RBCK1: variants seen among roughly 807,000 people sequenced by gnomAD.
RBCK1 encodes the protein RANBP2-type and C3HC4-type zinc finger containing 1.
RBCK1 carries 44 observed loss-of-function variants against 71.1 expected under a neutral mutation model. That is an observed-to-expected ratio of 0.62 (90% CI 0.49 to 0.80). The LOEUF (loss-of-function observed/expected upper bound fraction) is 0.80. RBCK1 is among the 30% of genes least tolerant of loss of function. The pLI is 0.00. For missense variants in RBCK1, 569 were observed against 685.0 expected (o/e 0.83, Z 1.89); for synonymous variants, 306 against 279.7 (o/e 1.09, Z -0.94).
At chr20:410,430 TG>T (rs2015634723) in intron 2 of RBCK1, 1 of 779,506 alleles carries the variant, frequency 1.3e-6, no homozygotes, top group African/African-American at 1.7e-5. Context: ...TGGTGCAAAA[TG>T]GCCATTCCAG....
At position 408,621 on chromosome 20, in the gene RBCK1, C is replaced by T; in HGVS notation, c.-137C>T. On this transcript the variant is annotated 5_prime_UTR_variant, in exon 1 of 12. Coordinates refer to ENST00000356286, the MANE Select transcript of RBCK1 (RefSeq NM_031229.4). ...ACTGCCGCGGGGACAGCGAGGCACACACAGGGCTTGGGCCGCGCCGGAGGC... is the reference window on the plus strand; with the variant it reads ...ACTGCCGCGGGGACAGCGAGGCACATACAGGGCTTGGGCCGCGCCGGAGGC... 5 of 1,119,900 alleles carry T rather than the reference C, an allele frequency of 4.5e-6. No individual in the cohort carries two copies. The South Asian group carries it at 5.3e-5, about 12-fold the overall frequency. The allele number at this position is 1,119,900 out of a possible 1,614,324, so 69.4% of individuals were successfully genotyped here. A position where few individuals can be genotyped will look rare whatever the true frequency, so the allele number is the denominator to read the frequency against.
chr20:410,648 G>GGAAGA, intron 2 of RBCK1: 1 of 735,566 alleles, frequency 1.4e-6, no homozygotes, highest in South Asian at 1.5e-5. Flanking sequence ...GTAAGGGAAG[G>GGAAGA]GAAGAGAATG....
chr20:415,598 T>G (rs1391226078), intron 2 of RBCK1, among the ~76,000 whole-genome samples: 1 of 152,190 alleles, frequency 6.6e-6, no homozygotes, highest in Non-Finnish European at 1.5e-5. Context: ...GCCACTAGTT[T>G]TTTTTTTAAG....
intron 6 of RBCK1, chr20:420,592 C>G: frequency 1.0e-6 from 1 of 981,942 alleles, no homozygotes; most frequent in Non-Finnish European, 1.2e-6. Flanking sequence ...CCTGGCCGGC[C>G]TCCCCTCCCT....
chr20:408,594 C>A lies in RBCK1; in HGVS notation c.-164C>A. 1 of 854,982 alleles carries A rather than the reference C, an allele frequency of 1.2e-6. No homozygotes were observed. The highest frequency in any genetic ancestry group is 1.9e-6 in the Non-Finnish European group (1 of 529,742). 53.0% of individuals were successfully genotyped at this position (854,982 alleles called of 1,614,324 possible). ...GGTCACCGGGCAGTGTGATGCTTCC[C>A]GACTGCCGCGGGGACAGCGAGGCAC... On this transcript the variant is annotated 5_prime_UTR_variant, in exon 1 of 12. Transcript: ENST00000356286.
At chr20:429,606 G>A (rs879888902) in intron 11 of RBCK1, among the ~76,000 whole-genome samples, 1 of 152,208 alleles carries the variant, frequency 6.6e-6, no homozygotes, top group African/African-American at 2.4e-5. Context: ...TGAAATCCAC[G>A]TTTCAGTGTC....
chr20:417,395 T>TTGTGTGTGTGTG lies in RBCK1; in HGVS notation c.168-114_168-103dup. On this transcript the variant is annotated intron_variant, in intron 2 of 11. Transcript: ENST00000356286. This position sits in a 1 kb window ranked among gnomAD's most constrained non-coding sequence, Gnocchi z 4.7. ...GGTGGGGCCTACCCCAGACTGGGGT[T>TTGTGTGTGTGTG]TGTGTGTGTGTGTGTGTGTGTGTGT... The TTGTGTGTGTGTG allele has an allele frequency of 5.2e-6, 4 of 764,564 alleles. No individual in the cohort carries two copies. Among genetic ancestry groups the TTGTGTGTGTGTG allele is most frequent in the African/African-American group, 3.5e-5 (2 of 57,202 alleles). The allele number at this position is 764,564 out of a possible 1,614,324, so 47.4% of individuals were successfully genotyped here.
chr20:410,341 G>C, intron 2 of RBCK1: 1 of 743,828 alleles, frequency 1.3e-6, no homozygotes, highest in Non-Finnish European at 2.5e-6. Flanking sequence ...AGTCCAGATA[G>C]GGAGGTTCTG....
intron 2 of RBCK1, among the ~76,000 whole-genome samples, chr20:416,733 C>T (rs917879850): frequency 1.3e-5 from 2 of 152,220 alleles, no homozygotes; most frequent in Non-Finnish European, 2.9e-5. Flanking sequence ...AACACAGTGG[C>T]TTACTCCTGT....
rs1410875852 is a variant in RBCK1 at position 421,005 on chromosome 20, G to A, written c.891G>A (p.Leu297=). The A allele has an allele frequency of 5.1e-6, 8 of 1,566,900 alleles. No homozygotes were observed. The highest frequency in any genetic ancestry group is 6.9e-6 in the Non-Finnish European group (8 of 1,157,046). ...TGGCGCCCGGCGAGGCCGTGGTGCT[G>A]CGTGAGTGTCTGCACACCTTCTGCA... ...SVLAPGEAVV[L]RECLHTFCRE... is the part of the protein sequence containing the mutation. Residue 297 remains leucine, a synonymous_variant, in exon 7 of 12, where the codon CTG becomes CTA. Transcript: ENST00000356286.
chr20:429,462 G>C (rs563689090), intron 11 of RBCK1, among the ~76,000 whole-genome samples: 112 of 152,308 alleles, frequency 7.4e-4, no homozygotes, highest in Middle Eastern at 3.4e-3. Context: ...CCGACCGCAG[G>C]TGATCCACCT....
intron 8 of RBCK1, among the ~76,000 whole-genome samples, chr20:425,114 C>T (rs551163913): frequency 6.6e-6 from 1 of 152,080 alleles, no homozygotes; most frequent in African/African-American, 2.4e-5. Context: ...GGGTTCACGC[C>T]ATTCTCCTGC....
Position 419,729 on chromosome 20 carries a change from C to T in RBCK1, c.754C>T (p.Gln252Ter). Residue 252 changes from glutamine to a stop codon, truncating the protein, a stop_gained and splice_region_variant, in exon 6 of 12, where the codon CAG becomes TAG. Coordinates refer to ENST00000356286, the MANE Select transcript of RBCK1 (RefSeq NM_031229.4). LOFTEE classifies it high-confidence loss of function. ...GEEEALRQYQ[Q>*]RKQQQQEGNY... ...GGAGGAGGCGCTGCGTCAGTACCAG[C>T]AGGTGGGCGGGAAAGTCCCTGGACA... is the stretch of plus-strand genomic sequence containing the variant. 1 of 1,554,178 alleles carries T rather than the reference C, an allele frequency of 6.4e-7. No homozygotes were observed. The highest frequency in any genetic ancestry group is 2.4e-5 in the East Asian group (1 of 41,924).
intron 2 of RBCK1, among the ~76,000 whole-genome samples, chr20:413,089 C>T (rs1169859789): frequency 6.6e-6 from 1 of 152,014 alleles, no homozygotes; most frequent in African/African-American, 2.4e-5. Context: ...ATTAATTGAC[C>T]ATAAATGTGA....
chr20:418,035 C>T lies in RBCK1; in HGVS notation c.460+105C>T, dbSNP rs73567132. ...GCCCCTGGGTTTTTAGTCAGGGACT[C>T]ACCCAGAGGACCCTATCCAAGTGGG... On this transcript the variant is annotated intron_variant, in intron 4 of 11. Coordinates refer to ENST00000356286, the MANE Select transcript of RBCK1 (RefSeq NM_031229.4). 1.3e-3 allele frequency: 1,507 copies of T among 1,151,258 alleles called. 21 individuals carry two copies. In the African/African-American group the frequency reaches 0.021, roughly 16 times the overall value. 71.3% of individuals were successfully genotyped at this position (1,151,258 alleles called of 1,614,324 possible). A position where few individuals can be genotyped will look rare whatever the true frequency, so the allele number is the denominator to read the frequency against.
At chr20:415,547 T>C (rs942828546) in intron 2 of RBCK1, among the ~76,000 whole-genome samples, 25 of 152,218 alleles carry the variant, frequency 1.6e-4, no homozygotes, top group Non-Finnish European at 1.5e-4. Context: ...GTAGCATTTC[T>C]TACTATGTCT....
At position 420,897 on chromosome 20, in the gene RBCK1, C is replaced by A; in HGVS notation, c.783C>A (p.Asn261Lys). The A allele has an allele frequency of 6.4e-7, 1 of 1,554,742 alleles. No individual in the cohort carries two copies. Among genetic ancestry groups the A allele is most frequent in the Non-Finnish European group, 8.7e-7 (1 of 1,151,494 alleles). The change falls in exon 7 of 12, where the codon AAC (asparagine) becomes AAA (lysine). Residue 261 changes from asparagine (N) to lysine (K), a missense_variant. Physicochemically the swap from Asn to Lys is moderately conservative, Grantham distance 94 (BLOSUM62 0). Around this residue, in one of 2 missense-constraint regions of RBCK1, gnomAD observed 358 missense variants for 375.6 expected, o/e 0.95. Transcript: ENST00000356286. Reference sequence around the variant, plus strand: ...GGAAGCAGCAGCAGCAGGAGGGGAACTACCTGCAGCACGTCCAGCTGGACC... The same window carrying A: ...GGAAGCAGCAGCAGCAGGAGGGGAAATACCTGCAGCACGTCCAGCTGGACC... ...QQRKQQQQEG[N>K]YLQHVQLDQR...
At chr20:424,089 T>C (rs1459865940) in intron 8 of RBCK1, among the ~76,000 whole-genome samples, 1 of 152,146 alleles carries the variant, frequency 6.6e-6, no homozygotes, top group East Asian at 1.9e-4. Flanking sequence ...CACCCAAAAG[T>C]GTGGAATCGG....
intron 4 of RBCK1, among the ~76,000 whole-genome samples, chr20:419,143 A>T (rs2016205561): frequency 6.6e-6 from 1 of 152,198 alleles, no homozygotes; most frequent in South Asian, 2.1e-4. Context: ...CTCAAAGGAC[A>T]TAGAAGCATT....
Sources: gnomAD v4.1 joint callset for allele counts (sites outside exome capture counted in the v4.1 genomes callset) on GRCh38, gnomAD v4.1.1 for gene constraint, gnomAD v4.1.1 regional missense constraint, Gnocchi (gnomAD v3.1) non-coding constraint, MANE v1.5 for transcripts, NCBI Gene and HGNC (gene_info 2026-07-23, HGNC 2026-07-21) for gene names.